CABLES1: variants seen among roughly 807,000 people sequenced by gnomAD.
CABLES1 encodes the protein CDK5 and ABL1 enzyme substrate 1.
In CABLES1, 36 loss-of-function variants were observed where a neutral mutation model predicts 57.8. The ratio of observed to expected loss-of-function variants is 0.62; its 90% confidence interval spans 0.48 to 0.82. The LOEUF (loss-of-function observed/expected upper bound fraction) is 0.82, where lower values mean the gene tolerates loss of function less well. Among genes scored for constraint, CABLES1 ranks in the 40% least tolerant of loss-of-function variants. The pLI is 0.00. For missense variants in CABLES1, 767 were observed against 836.6 expected, an observed-to-expected ratio of 0.92 and a Z score of 1.03; for synonymous variants, 374 against 363.0, an observed-to-expected ratio of 1.03 and a Z score of -0.35.
intron 3 of CABLES1, among the ~76,000 whole-genome samples, chr18:23,208,923 G>T (rs187709117): frequency 3.3e-5 from 5 of 152,070 alleles, no homozygotes; most frequent in African/African-American, 9.7e-5. Context: ...TCTTCCCTTC[G>T]TGCATGTGTA....
intron 1 of CABLES1, among the ~76,000 whole-genome samples, chr18:23,166,771 C>T (rs2047045754): frequency 6.6e-6 from 1 of 152,166 alleles, no homozygotes; most frequent in African/African-American, 2.4e-5. Flanking sequence ...GTCGTTTCTT[C>T]ACTAACTCAT....
Position 23,138,254 on chromosome 18 carries a change from T to C in CABLES1, c.845+1647T>C, listed in dbSNP as rs112623560. On this transcript the variant is annotated intron_variant, in intron 1 of 9. Transcript: ENST00000256925. ...TCCAAGAAACTCATTTCAGGGGATA[T>C]GGAAGATCTTGTGTGTTCGCATTTC... Among the ~76,000 whole-genome samples, 117 of 152,338 alleles carry C rather than the reference T, an allele frequency of 7.7e-4. 2 individuals carry two copies. The highest frequency in any genetic ancestry group is 2.7e-3 in the African/African-American group (113 of 41,576).
At chr18:23,184,783 A>G (rs2047191071) in intron 1 of CABLES1, among the ~76,000 whole-genome samples, 2 of 152,200 alleles carry the variant, frequency 1.3e-5, no homozygotes, top group African/African-American at 4.8e-5. Context: ...GGGTGCGAGC[A>G]TGGTTGGGGT....
In CABLES1 at chr18:23,252,250, G is replaced by A. The variant is rs142358395; in HGVS notation, c.1447-710G>A. Among the ~76,000 whole-genome samples the A allele has an allele frequency of 3.5e-4, 54 of 152,310 alleles. 1 individual carries two copies. In the East Asian group the frequency reaches 9.4e-3, roughly 27 times the overall value. ...GGAGTTGGCATTTAATGGGCAGAGT[G>A]TTTCAATTGGGAAGATGAAAAGATT... is the stretch of plus-strand genomic sequence containing the variant. On this transcript the variant is annotated intron_variant, in intron 7 of 9. Coordinates refer to ENST00000256925, the MANE Select transcript of CABLES1 (RefSeq NM_001100619.3).
intron 1 of CABLES1, chr18:23,156,067 A>C: frequency 7.9e-7 from 1 of 1,258,792 alleles, no homozygotes; most frequent in East Asian, 2.3e-5. Context: ...CTCAGCCTGG[A>C]AAAGCGGGAT....
chr18:23,135,927 G>A lies in CABLES1; in HGVS notation c.165G>A (p.Pro55=). 1.8e-6 allele frequency: 2 copies of A among 1,104,562 alleles called. No individual in the cohort carries two copies. Among genetic ancestry groups the A allele is most frequent in the Non-Finnish European group, 2.2e-6 (2 of 911,056 alleles). 68.4% of individuals were successfully genotyped at this position (1,104,562 alleles called of 1,614,324 possible). A position where few individuals can be genotyped will look rare whatever the true frequency, so the allele number is the denominator to read the frequency against. Residue 55 remains proline (P), a synonymous_variant, in exon 1 of 10, where the codon CCG becomes CCA. Coordinates refer to ENST00000256925, the MANE Select transcript of CABLES1 (RefSeq NM_001100619.3). ...AQPPPEPPRK[P]RMDPRRRQAA... ...CGCCGCCCGAACCCCCCCGGAAGCCGCGCATGGACCCGCGGCGCCGCCAGG... is the reference window on the plus strand; with the variant it reads ...CGCCGCCCGAACCCCCCCGGAAGCCACGCATGGACCCGCGGCGCCGCCAGG...
intron 1 of CABLES1, among the ~76,000 whole-genome samples, chr18:23,175,415 C>T (rs1444982848): frequency 6.6e-6 from 1 of 152,188 alleles, no homozygotes; most frequent in African/African-American, 2.4e-5. Context: ...CATTCCTGGG[C>T]TTCTGCTGGC....
At chr18:23,247,500 G>A (rs1235962827) in intron 7 of CABLES1, among the ~76,000 whole-genome samples, 1 of 152,250 alleles carries the variant, frequency 6.6e-6, no homozygotes, top group African/African-American at 2.4e-5. Flanking sequence ...CTGGTCCGCT[G>A]TGGCAGTTGT....
intron 1 of CABLES1, among the ~76,000 whole-genome samples, chr18:23,154,149 C>T (rs1227103835): frequency 1.3e-5 from 2 of 152,166 alleles, no homozygotes; most frequent in Non-Finnish European, 2.9e-5. Context: ...CAAACAATTT[C>T]TAGTTCAACT....
intron 1 of CABLES1, among the ~76,000 whole-genome samples, chr18:23,137,872 A>G (rs1026471452): frequency 5.9e-5 from 9 of 152,176 alleles, no homozygotes; most frequent in African/African-American, 2.2e-4. Flanking sequence ...TCATAAGTGC[A>G]TGGATGAATT....
intron 1 of CABLES1, among the ~76,000 whole-genome samples, chr18:23,158,695 C>T (rs139479822): frequency 2.2e-4 from 34 of 152,196 alleles, no homozygotes; most frequent in African/African-American, 7.7e-4. Flanking sequence ...ATGAGTAGAC[C>T]GCTAAGCCAA....
chr18:23,175,942 A>G (rs2047120041), intron 1 of CABLES1, among the ~76,000 whole-genome samples: 1 of 151,726 alleles, frequency 6.6e-6, no homozygotes, highest in Non-Finnish European at 1.5e-5. Flanking sequence ...GAATAAATGT[A>G]AAAAAAAAGA....
intron 1 of CABLES1, among the ~76,000 whole-genome samples, chr18:23,186,105 A>G (rs761606390): frequency 6.6e-6 from 1 of 152,220 alleles, no homozygotes; most frequent in Non-Finnish European, 1.5e-5. Context: ...TGGAAGGAAC[A>G]TGTACGCATC....
intron 9 of CABLES1, among the ~76,000 whole-genome samples, chr18:23,255,885 A>C (rs1598892409): frequency 6.6e-6 from 1 of 152,236 alleles, no homozygotes; most frequent in Middle Eastern, 3.4e-3. Flanking sequence ...CTTTTGATGT[A>C]ACAGATATTT....
intron 9 of CABLES1, among the ~76,000 whole-genome samples, chr18:23,254,867 G>A (rs1008947329): frequency 4.6e-5 from 7 of 152,140 alleles, no homozygotes; most frequent in Admixed American, 2.6e-4. Context: ...ATCCACATAC[G>A]AATTTGGGGG....
chr18:23,242,461 T>A (rs2047759961), intron 7 of CABLES1, among the ~76,000 whole-genome samples: 1 of 152,202 alleles, frequency 6.6e-6, no homozygotes, highest in Admixed American at 6.5e-5. Context: ...TCTGCACCTC[T>A]TGGCATATAA....
intron 1 of CABLES1, chr18:23,155,968 A>G (rs1254485531): frequency 6.2e-7 from 1 of 1,614,160 alleles, no homozygotes; most frequent in Non-Finnish European, 8.5e-7. Flanking sequence ...TTGTCAGAGG[A>G]TCGCCTGGGT....
chr18:23,193,650 T>C (rs2047261737), intron 2 of CABLES1, among the ~76,000 whole-genome samples: 1 of 152,188 alleles, frequency 6.6e-6, no homozygotes, highest in Non-Finnish European at 1.5e-5. Flanking sequence ...AGACTCTTGT[T>C]TGTTGAGCAT....
At chr18:23,155,964 G>A in intron 1 of CABLES1, 1 of 1,614,222 alleles carries the variant, frequency 6.2e-7, no homozygotes, top group African/African-American at 1.3e-5. Context: ...TAAGTTGTCA[G>A]AGGATCGCCT....
Sources: gnomAD v4.1 joint callset for allele counts (sites outside exome capture counted in the v4.1 genomes callset) on GRCh38, gnomAD v4.1.1 for gene constraint, MANE v1.5 for transcripts, NCBI Gene and HGNC (gene_info 2026-07-23, HGNC 2026-07-21) for gene names.